PRKN: variants seen among roughly 807,000 people sequenced by gnomAD.
PRKN encodes E3 ubiquitin-protein ligase parkin.
In PRKN, 56 loss-of-function variants were observed where a neutral mutation model predicts 59.5. That is an observed-to-expected ratio of 0.94 (90% CI 0.76 to 1.18). PRKN has a LOEUF of 1.18. Ranked by LOEUF, PRKN falls within the 50% of genes most tolerant of loss-of-function variation. PRKN has a pLI of 0.00. For missense variants in PRKN, 657 were observed against 596.4 expected, an observed-to-expected ratio of 1.10 and a Z score of -1.06; for synonymous variants, 250 against 222.1, an observed-to-expected ratio of 1.13 and a Z score of -1.12.
At position 161,513,918 on chromosome 6, in the gene PRKN, T is replaced by C. The variant is rs992015107; in HGVS notation, c.1083+34936A>G. ...CAAATAGAATACCTTCCTGACAGGGTTGTAGAGAGGACTAATTGAGACAAC... is the reference window on the plus strand; with the variant it reads ...CAAATAGAATACCTTCCTGACAGGGCTGTAGAGAGGACTAATTGAGACAAC... On this transcript the variant is annotated intron_variant, in intron 9 of 11. Transcript: ENST00000366898. Among the ~76,000 whole-genome samples the C allele has an allele frequency of 5.9e-5, 9 of 152,028 alleles. No homozygotes were observed. The East Asian group carries it at 7.7e-4, about 13-fold the overall frequency.
rs546708848 is a variant in PRKN, at chr6:162,491,409, C to G, written c.8-47936G>C. On this transcript the variant is annotated intron_variant, in intron 1 of 11. Coordinates refer to ENST00000366898, the MANE Select transcript of PRKN (RefSeq NM_004562.3). ...CTGAGATCACCATGCTTCACTGGGT[C>G]TCCAGGGCCCAGACAGAGGTGACGC... Among the ~76,000 whole-genome samples, 4 of 152,320 alleles carry G rather than the reference C, an allele frequency of 2.6e-5. No individual in the cohort carries two copies. The South Asian group carries it at 8.3e-4, about 32-fold the overall frequency.
intron 1 of PRKN, among the ~76,000 whole-genome samples, chr6:162,531,399 CT>C (rs1554237484): frequency 6.6e-6 from 1 of 152,128 alleles, no homozygotes; most frequent in Non-Finnish European, 1.5e-5. Flanking sequence ...TGCGGGAGAC[CT>C]GAGTTTTATA....
At chr6:161,865,301 A>G (rs539962289) in intron 6 of PRKN, among the ~76,000 whole-genome samples, 2 of 152,326 alleles carry the variant, frequency 1.3e-5, no homozygotes, top group East Asian at 3.9e-4. Flanking sequence ...AGGCAGAGTC[A>G]ACGTGGCCTA....
At chr6:162,200,437 T>C (rs1411436562) in intron 4 of PRKN, among the ~76,000 whole-genome samples, 2 of 152,184 alleles carry the variant, frequency 1.3e-5, no homozygotes, top group Admixed American at 1.3e-4. Context: ...GTAGGCAACA[T>C]GTACAGAAAT....
intron 6 of PRKN, among the ~76,000 whole-genome samples, chr6:161,931,444 C>T (rs1251173640): frequency 6.6e-6 from 1 of 152,082 alleles, no homozygotes; most frequent in African/African-American, 2.4e-5. Flanking sequence ...CCAGCACCCC[C>T]AGAGGCATTG....
At chr6:161,511,025 TATAGA>T (rs1778367890) in intron 9 of PRKN, among the ~76,000 whole-genome samples, 1 of 152,228 alleles carries the variant, frequency 6.6e-6, no homozygotes, top group African/African-American at 2.4e-5. Flanking sequence ...TTTTGTTTGC[TATAGA>T]AAATGAAGTA....
chr6:161,667,784 G>C (rs1562595180), intron 7 of PRKN, among the ~76,000 whole-genome samples: 1 of 152,116 alleles, frequency 6.6e-6, no homozygotes. Context: ...AATCCAGGCA[G>C]TGAAATTACA....
rs1338848681 is a variant in PRKN at position 161,544,456 on chromosome 6, T to C, written c.1083+4398A>G. ...TAATATTGGAAAATAAAAGTAATAG[T>C]TTGTTGATATTACTCCTAGATTATT... is the stretch of plus-strand genomic sequence containing the variant. On this transcript the variant is annotated intron_variant, in intron 9 of 11. Coordinates refer to ENST00000366898, the MANE Select transcript of PRKN (RefSeq NM_004562.3). This position sits in a 1 kb window ranked among gnomAD's most constrained non-coding sequence, Gnocchi z 5.5. Among the ~76,000 whole-genome samples the C allele has an allele frequency of 6.6e-6, 1 of 152,168 alleles. No homozygotes were observed. Among genetic ancestry groups the C allele is most frequent in the Admixed American group, 6.6e-5 (1 of 15,266 alleles).
chr6:161,736,533 T>C (rs1372699157), intron 7 of PRKN, among the ~76,000 whole-genome samples: 1 of 152,126 alleles, frequency 6.6e-6, no homozygotes, highest in African/African-American at 2.4e-5. Flanking sequence ...CTCCCTCCCC[T>C]TACCGGGGGC....
intron 3 of PRKN, among the ~76,000 whole-genome samples, chr6:162,208,272 T>A (rs1280048247): frequency 6.6e-6 from 1 of 152,244 alleles, no homozygotes; most frequent in East Asian, 1.9e-4. Flanking sequence ...TCCTGTGGAG[T>A]AACCAAGGTT....
intron 5 of PRKN, among the ~76,000 whole-genome samples, chr6:162,010,124 G>A (rs1214097176): frequency 6.7e-6 from 1 of 148,806 alleles, no homozygotes; most frequent in Non-Finnish European, 1.5e-5. Context: ...CTTTGCTGCA[G>A]ATGTCACTTC....
chr6:161,777,301 T>G (rs1448567806), intron 7 of PRKN, among the ~76,000 whole-genome samples: 2 of 152,100 alleles, frequency 1.3e-5, no homozygotes, highest in Non-Finnish European at 2.9e-5. Flanking sequence ...TAACACAATA[T>G]CTGGTCAAAG....
At chr6:162,564,838 T>A (rs1779993289) in intron 1 of PRKN, among the ~76,000 whole-genome samples, 1 of 145,002 alleles carries the variant, frequency 6.9e-6, no homozygotes, top group Admixed American at 7.0e-5. Flanking sequence ...AGACCTGTCC[T>A]ACAGGAAATG....
Position 161,454,746 on chromosome 6 carries a change from G to C in PRKN, c.1084-67869C>G, listed in dbSNP as rs138845029. On this transcript the variant is annotated intron_variant, in intron 9 of 11. Coordinates refer to ENST00000366898, the MANE Select transcript of PRKN (RefSeq NM_004562.3). This position sits in a 1 kb window ranked among gnomAD's most constrained non-coding sequence, Gnocchi z 4.6. ...GTCCCATTAGGTTGACTACTTTCTG[G>C]AGGCCAATTGCACTTAACTTGGATT... Among the ~76,000 whole-genome samples the C allele has an allele frequency of 6.6e-6, 1 of 152,242 alleles. No homozygotes were observed. The highest frequency in any genetic ancestry group is 6.5e-5 in the Admixed American group (1 of 15,292).
intron 6 of PRKN, among the ~76,000 whole-genome samples, chr6:161,899,871 C>G (rs545269476): frequency 6.6e-6 from 1 of 152,072 alleles, no homozygotes; most frequent in South Asian, 2.1e-4. Context: ...GCCTGTAATC[C>G]CAGCACTTTG....
rs2128099995 is a variant in PRKN, at chr6:162,262,525, C to G, written c.412G>C (p.Ala138Pro). The change falls in exon 3 of 12, where the codon GCA becomes CCA. Residue 138 changes from alanine (A) to proline (P), a missense_variant and splice_region_variant. Ala to Pro is a conservative substitution (Grantham distance 27, BLOSUM62 -1). Transcript: ENST00000366898. The stretch of plus-strand genomic sequence containing the variant: ...AATAATCTTAGAGCATTCCAATTAC[C>G]TGGACTTCCAGCTGGTGGTGAGTCC... ...RKDSPPAGSP[A>P]GRSIYNSFYV... 1 of 1,613,994 alleles carries G rather than the reference C, an allele frequency of 6.2e-7. No individual in the cohort carries two copies. The highest frequency in any genetic ancestry group is 8.5e-7 in the Non-Finnish European group (1 of 1,179,998).
At chr6:162,278,049 A>T (rs973040036) in intron 2 of PRKN, among the ~76,000 whole-genome samples, 2 of 152,234 alleles carry the variant, frequency 1.3e-5, no homozygotes, top group African/African-American at 2.4e-5. Context: ...GAATGGATAA[A>T]GTATCAGACA....
intron 4 of PRKN, among the ~76,000 whole-genome samples, chr6:162,058,290 A>G (rs957539319): frequency 2.6e-5 from 4 of 152,184 alleles, no homozygotes; most frequent in African/African-American, 9.6e-5. Context: ...CAAGGTTGTC[A>G]CATCATTCTG....
Position 161,377,071 on chromosome 6 carries a change from C to A in PRKN, c.1167+9723G>T, listed in dbSNP as rs1056590521. On this transcript the variant is annotated intron_variant, in intron 10 of 11. Coordinates refer to ENST00000366898, the MANE Select transcript of PRKN (RefSeq NM_004562.3). The surrounding 1 kb of genome is among the most constrained non-coding windows in gnomAD (Gnocchi z 4.2). Reference sequence around the variant, plus strand: ...CTGTCTCTGCGGCTGTGCACGCAGGCAGACCCTGTGGATTCCAGGTGTCTG... The same window carrying A: ...CTGTCTCTGCGGCTGTGCACGCAGGAAGACCCTGTGGATTCCAGGTGTCTG... Among the ~76,000 whole-genome samples, 2 of 152,222 alleles carry A rather than the reference C, an allele frequency of 1.3e-5. No homozygotes were observed. Among genetic ancestry groups the A allele is most frequent in the African/African-American group, 2.4e-5 (1 of 41,474 alleles).
Sources: allele counts gnomAD v4.1 joint callset (sites outside exome capture counted in the v4.1 genomes callset), GRCh38; gene constraint gnomAD v4.1.1; non-coding constraint Gnocchi (gnomAD v3.1); transcripts MANE v1.5; gene names NCBI Gene and HGNC (gene_info 2026-07-23, HGNC 2026-07-21).